The following AGBL1 variants were observed in gnomAD, a reference collection of about 807,000 sequenced individuals.
AGBL1 encodes the protein cytosolic carboxypeptidase 4.
Under a neutral mutation model 118.9 loss-of-function variants are expected in AGBL1, and 130 were observed. The observed-to-expected ratio is 1.09, with a 90% CI of 0.95 to 1.26. The LOEUF (loss-of-function observed/expected upper bound fraction) is 1.26. Among genes scored for constraint, AGBL1 ranks in the 50% most tolerant of loss-of-function variants. The pLI, the probability that AGBL1 is intolerant of heterozygous loss-of-function variation, is 0.00. For synonymous variants in AGBL1, 555 were observed against 478.9 expected (o/e 1.16, Z -2.08); for missense variants, 1,584 against 1,298.1 (o/e 1.22, Z -3.38).
chr15:86,761,170 C>A (rs1461167970), intron 22 of AGBL1, among the ~76,000 whole-genome samples: 1 of 152,152 alleles, frequency 6.6e-6, no homozygotes, highest in Non-Finnish European at 1.5e-5. Context: ...ATCTTAGACA[C>A]TCTTAGCTTT....
At chr15:86,519,844 C>T (rs1443489876) in intron 18 of AGBL1, among the ~76,000 whole-genome samples, 4 of 152,202 alleles carry the variant, frequency 2.6e-5, no homozygotes, top group African/African-American at 9.6e-5. Flanking sequence ...CTCACATTGG[C>T]CCAATTTCTC....
intron 22 of AGBL1, among the ~76,000 whole-genome samples, chr15:86,726,612 A>G (rs2086822251): frequency 1.3e-5 from 2 of 152,206 alleles, no homozygotes; most frequent in Non-Finnish European, 2.9e-5. Flanking sequence ...CCCAAGGTGG[A>G]GTGCAGTGGT....
intron 18 of AGBL1, among the ~76,000 whole-genome samples, chr15:86,462,855 G>A (rs1179696846): frequency 2.0e-5 from 3 of 152,146 alleles, no homozygotes; most frequent in East Asian, 3.9e-4. Flanking sequence ...ATGGGCTTTT[G>A]GGTTGGTTCC....
chr15:86,460,523 TAAC>T (rs60390844), intron 18 of AGBL1, among the ~76,000 whole-genome samples: 4 of 150,752 alleles, frequency 2.7e-5, no homozygotes, highest in Non-Finnish European at 5.9e-5. Context: ...AAACAAACAA[TAAC>T]AACAACAACA....
intron 21 of AGBL1, among the ~76,000 whole-genome samples, chr15:86,641,402 T>C (rs1398407458): frequency 6.7e-6 from 1 of 148,674 alleles, no homozygotes; most frequent in East Asian, 2.0e-4. Flanking sequence ...TTTCTACCAC[T>C]CAATTTTTTT....
At chr15:86,747,381 GAAAT>G (rs904757619) in intron 22 of AGBL1, among the ~76,000 whole-genome samples, 12 of 152,018 alleles carry the variant, frequency 7.9e-5, no homozygotes, top group African/African-American at 2.2e-4. Context: ...GATAAAAATT[GAAAT>G]AAATAAAAAT....
chr15:86,377,966 A>G (rs895616634), intron 17 of AGBL1, among the ~76,000 whole-genome samples: 1 of 152,202 alleles, frequency 6.6e-6, no homozygotes, highest in African/African-American at 2.4e-5. Context: ...AAAACAAATA[A>G]CAATGGTAGG....
intron 22 of AGBL1, among the ~76,000 whole-genome samples, chr15:86,721,465 ACT>A (rs1284883454): frequency 6.6e-6 from 1 of 152,112 alleles, no homozygotes; most frequent in African/African-American, 2.4e-5. Flanking sequence ...CATGCTAAAA[ACT>A]CTCAATAAAT....
At chr15:86,771,525 T>C (rs2078180769) in intron 22 of AGBL1, among the ~76,000 whole-genome samples, 1 of 151,984 alleles carries the variant, frequency 6.6e-6, no homozygotes, top group South Asian at 2.1e-4. Context: ...TCTGTATTTC[T>C]TCTGGTTTGG....
At chr15:86,676,171 C>T (rs1377176432) in intron 22 of AGBL1, among the ~76,000 whole-genome samples, 2 of 152,270 alleles carry the variant, frequency 1.3e-5, no homozygotes, top group East Asian at 3.9e-4. Context: ...TACCTGAACA[C>T]AGGATGTGAT....
chr15:86,934,362 A>T (rs1314708031), intron 23 of AGBL1, among the ~76,000 whole-genome samples: 1 of 152,204 alleles, frequency 6.6e-6, no homozygotes, highest in African/African-American at 2.4e-5. Flanking sequence ...ATTGGCCAAG[A>T]ATAAGTCTTT....
At chr15:86,362,038 T>C (rs2080813530) in intron 17 of AGBL1, among the ~76,000 whole-genome samples, 1 of 152,230 alleles carries the variant, frequency 6.6e-6, no homozygotes, top group Admixed American at 6.5e-5. Flanking sequence ...TCTTCCTTTG[T>C]ATTTGATGAT....
At chr15:86,265,298 A>G (rs959713411) in intron 11 of AGBL1, among the ~76,000 whole-genome samples, 1 of 152,210 alleles carries the variant, frequency 6.6e-6, no homozygotes, top group African/African-American at 2.4e-5. Flanking sequence ...TAGCTATTAT[A>G]GACCCTGGCT....
chr15:86,125,286 C>T (rs1432232436), intron 1 of AGBL1, among the ~76,000 whole-genome samples: 2 of 152,212 alleles, frequency 1.3e-5, no homozygotes, highest in East Asian at 3.9e-4. Context: ...CACTTCCTCA[C>T]TGTCCATCAC....
intron 22 of AGBL1, among the ~76,000 whole-genome samples, chr15:86,876,270 C>G (rs1162108613): frequency 2.0e-5 from 3 of 152,058 alleles, no homozygotes; most frequent in Non-Finnish European, 4.4e-5. Context: ...ATGGGAAGGT[C>G]ACAACCCAGT....
intron 18 of AGBL1, among the ~76,000 whole-genome samples, chr15:86,406,587 T>A (rs993221248): frequency 1.3e-5 from 2 of 152,158 alleles, no homozygotes; most frequent in Non-Finnish European, 2.9e-5. Context: ...ACATAGTGCC[T>A]CTGGAATTTT....
chr15:86,462,932 A>C (rs2082352289), intron 18 of AGBL1, among the ~76,000 whole-genome samples: 1 of 152,182 alleles, frequency 6.6e-6, no homozygotes, highest in African/African-American at 2.4e-5. Flanking sequence ...TAGTAGAATG[A>C]TTTATAATCC....
chr15:86,201,583 T>C (rs767596063), intron 5 of AGBL1, among the ~76,000 whole-genome samples: 1 of 152,210 alleles, frequency 6.6e-6, no homozygotes, highest in Non-Finnish European at 1.5e-5. Context: ...GATGTTGTTT[T>C]CACTGAGAAA....
chr15:86,946,053 C>T (rs2080816532), intron 23 of AGBL1: 1 of 152,180 alleles, frequency 6.6e-6, no homozygotes, highest in Non-Finnish European at 1.5e-5. Context: ...TGCCCGAAGT[C>T]AAACAGATAT....
Sources: gnomAD v4.1 joint callset for allele counts (sites outside exome capture counted in the v4.1 genomes callset) on GRCh38, gnomAD v4.1.1 for gene constraint, MANE v1.5 for transcripts, NCBI Gene and HGNC (gene_info 2026-07-23, HGNC 2026-07-21) for gene names.